The following XKR4 variants were observed in gnomAD, a reference collection of about 807,000 sequenced individuals.
The protein encoded by XKR4 is XK related 4, also known as XK-related protein 4.
XKR4 carries 12 observed loss-of-function variants against 53.9 expected under a neutral mutation model. That is an observed-to-expected ratio of 0.22 (90% confidence interval 0.14 to 0.36). The LOEUF is 0.36. Among genes scored for constraint, XKR4 ranks in the 10% least tolerant of loss-of-function variants. The pLI, the probability that XKR4 is intolerant of heterozygous loss-of-function variation, is 1.00. For missense variants in XKR4, 799 were observed against 859.5 expected, an observed-to-expected ratio of 0.93 and a Z score of 0.88; for synonymous variants, 354 against 362.4, an observed-to-expected ratio of 0.98 and a Z score of 0.26.
At chr8:55,478,375 G>A (rs1481729628) in intron 2 of XKR4, among the ~76,000 whole-genome samples, 1 of 151,968 alleles carries the variant, frequency 6.6e-6, no homozygotes, top group African/African-American at 2.4e-5. Flanking sequence ...CACCAGGCCT[G>A]CCCTAAAAGA....
At chr8:55,170,381 G>A (rs1817141574) in intron 1 of XKR4, among the ~76,000 whole-genome samples, 1 of 152,208 alleles carries the variant, frequency 6.6e-6, no homozygotes, top group South Asian at 2.1e-4. Context: ...AGGGAGGCAG[G>A]AATGGGGAGT....
At position 55,536,854 on chromosome 8, in the gene XKR4, T is replaced by A. The variant is rs1389033368; in HGVS notation, c.*12627T>A. ...AAGAAACTTTCTATTCAGTCTTTGC[T>A]ATCTTTCATAAATTGTATCATTGCT... On this transcript the variant is annotated 3_prime_UTR_variant, in exon 3 of 3. Coordinates refer to ENST00000327381, the MANE Select transcript of XKR4 (RefSeq NM_052898.2). 6.6e-6 allele frequency: 1 copy of A among 152,246 alleles called. No individual in the cohort carries two copies. Among genetic ancestry groups the A allele is most frequent in the East Asian group, 1.9e-4 (1 of 5,200 alleles). 9.4% of individuals were successfully genotyped at this position (152,246 alleles called of 1,614,324 possible).
At chr8:55,245,268 T>C (rs1223341583) in intron 1 of XKR4, among the ~76,000 whole-genome samples, 1 of 152,118 alleles carries the variant, frequency 6.6e-6, no homozygotes, top group Non-Finnish European at 1.5e-5. Flanking sequence ...TCCTCATAGA[T>C]TCTGGTATTA....
In XKR4 at chr8:55,451,750, C is replaced by G. The variant is rs1391906642; in HGVS notation, c.1007-71531C>G. On this transcript the variant is annotated intron_variant, in intron 2 of 2. Coordinates refer to ENST00000327381, the MANE Select transcript of XKR4 (RefSeq NM_052898.2). ...AATGCGGAAGGATTCAGACTTGGCC[C>G]GGCTCAGGCGGCTGCTCAGGGGGCC... The G allele has an allele frequency of 3.5e-6, 4 of 1,140,750 alleles. No homozygotes were observed. The African/African-American group carries it at 6.0e-5, about 17-fold the overall frequency. 70.7% of individuals were successfully genotyped at this position (1,140,750 alleles called of 1,614,324 possible).
intron 1 of XKR4, among the ~76,000 whole-genome samples, chr8:55,307,576 C>A (rs553696344): frequency 3.9e-5 from 6 of 152,128 alleles, no homozygotes; most frequent in South Asian, 2.1e-4. Flanking sequence ...ATCGCTTGAG[C>A]CTGGGAGGTT....
intron 2 of XKR4, among the ~76,000 whole-genome samples, chr8:55,391,803 AG>A (rs1254036278): frequency 1.3e-5 from 2 of 152,226 alleles, no homozygotes; most frequent in Admixed American, 6.5e-5. Context: ...ATAACTACAA[AG>A]AAATGACTTG....
intron 2 of XKR4, among the ~76,000 whole-genome samples, chr8:55,503,956 T>C (rs894473145): frequency 2.1e-4 from 32 of 152,262 alleles, no homozygotes; most frequent in Admixed American, 5.9e-4. Flanking sequence ...TCTATTGAGA[T>C]GATAATGTGG....
At chr8:55,160,929 G>T (rs1281001440) in intron 1 of XKR4, among the ~76,000 whole-genome samples, 1 of 152,206 alleles carries the variant, frequency 6.6e-6, no homozygotes, top group Non-Finnish European at 1.5e-5. Context: ...GCAACATCTG[G>T]TGTATTTCGG....
At chr8:55,236,641 T>C (rs2129367637) in intron 1 of XKR4, among the ~76,000 whole-genome samples, 1 of 152,292 alleles carries the variant, frequency 6.6e-6, no homozygotes, top group Middle Eastern at 3.4e-3. Flanking sequence ...ACCTCTGTCA[T>C]CACACCTGCC....
At chr8:55,266,409 G>C (rs1818601472) in intron 1 of XKR4, among the ~76,000 whole-genome samples, 3 of 151,996 alleles carry the variant, frequency 2.0e-5, no homozygotes, top group Non-Finnish European at 2.9e-5. Context: ...TGACTTAAAG[G>C]TCCACAGTCA....
chr8:55,109,320 T>TGCTCCAAACATATTAGACTAACCTTTGC (rs1367172726), intron 1 of XKR4, among the ~76,000 whole-genome samples: 7 of 152,226 alleles, frequency 4.6e-5, no homozygotes, highest in Non-Finnish European at 7.4e-5. Flanking sequence ...CATAACATGC[T>TGCTCCAAACATATTAGACTAACCTTTGC]GCTCCAAACA....
intron 1 of XKR4, among the ~76,000 whole-genome samples, chr8:55,329,809 T>C (rs909585182): frequency 2.0e-5 from 3 of 152,190 alleles, no homozygotes; most frequent in Non-Finnish European, 4.4e-5. Context: ...TCCCTGTCTA[T>C]GCCCACTTTC....
At chr8:55,424,265 A>G (rs1469928208) in intron 2 of XKR4, among the ~76,000 whole-genome samples, 3 of 152,234 alleles carry the variant, frequency 2.0e-5, no homozygotes, top group African/African-American at 7.2e-5. Flanking sequence ...ATGCGTTACA[A>G]AAAGTACTTG....
chr8:55,295,045 A>G (rs16921565), intron 1 of XKR4, among the ~76,000 whole-genome samples: 17,721 of 152,198 alleles, frequency 0.12, 2,025 homozygotes, highest in African/African-American at 0.3. Context: ...GAGATAATTC[A>G]TGATAAAAAT....
At chr8:55,454,446 G>A (rs775078542) in intron 2 of XKR4, 16 of 1,184,824 alleles carry the variant, frequency 1.4e-5, no homozygotes, top group East Asian at 7.6e-5. Context: ...TGGTAGCTCC[G>A]GGACAGGAAG....
intron 1 of XKR4, among the ~76,000 whole-genome samples, chr8:55,103,788 T>C (rs1018923329): frequency 2.7e-5 from 4 of 149,020 alleles, no homozygotes; most frequent in Non-Finnish European, 4.4e-5. Context: ...TACCCACATA[T>C]TAATGATCAC....
intron 1 of XKR4, among the ~76,000 whole-genome samples, chr8:55,208,677 G>A (rs1461478787): frequency 6.6e-6 from 1 of 152,086 alleles, no homozygotes; most frequent in Non-Finnish European, 1.5e-5. Flanking sequence ...ATATTGGCCA[G>A]GCTGATCTTG....
chr8:55,171,111 A>C (rs1302040445), intron 1 of XKR4, among the ~76,000 whole-genome samples: 1 of 152,264 alleles, frequency 6.6e-6, no homozygotes, highest in Non-Finnish European at 1.5e-5. Context: ...AAAATGGGTC[A>C]AAATACTTAC....
intron 1 of XKR4, among the ~76,000 whole-genome samples, chr8:55,314,496 C>T (rs551914498): frequency 1.3e-5 from 2 of 152,234 alleles, no homozygotes; most frequent in Admixed American, 6.5e-5. Context: ...GGGAAACCGC[C>T]GTGCTGAGAC....
Sources: gnomAD v4.1 joint callset for allele counts (sites outside exome capture counted in the v4.1 genomes callset) on GRCh38, gnomAD v4.1.1 for gene constraint, MANE v1.5 for transcripts, NCBI Gene and HGNC (gene_info 2026-07-23, HGNC 2026-07-21) for gene names.